The following SYT17 variants were observed in gnomAD, a reference collection of about 807,000 sequenced individuals.
The protein encoded by SYT17 is synaptotagmin 17, also known as synaptotagmin-17.
Under a neutral mutation model 46.7 loss-of-function variants are expected in SYT17, and 22 were observed. The observed-to-expected ratio is 0.47, with a 90% CI of 0.34 to 0.67. The LOEUF (loss-of-function observed/expected upper bound fraction) is 0.67, where lower values mean the gene tolerates loss of function less well. Among genes scored for constraint, SYT17 ranks in the 30% least tolerant of loss-of-function variants. SYT17 has a pLI of 0.01. For synonymous variants in SYT17, 251 were observed against 248.4 expected (o/e 1.01, Z -0.10); for missense variants, 519 against 612.8 (o/e 0.85, Z 1.62).
rs1388958812 is a variant in SYT17, at chr16:19,223,095, T to C, written c.1002T>C (p.Ser334=). 2 of 1,614,068 alleles carry C rather than the reference T, an allele frequency of 1.2e-6. No homozygotes were observed. The change falls in exon 6 of 8, where the codon AGT becomes AGC. Residue 334 remains serine (S), a synonymous_variant. Transcript: ENST00000355377. ...TTCTGTCACTGAATTATCTCCCAAG[T>C]GCTGGCAGACTGAATGTTGATGTCA... is the stretch of plus-strand genomic sequence containing the variant. ...ELLLSLNYLP[S]AGRLNVDVIR... is the part of the protein sequence containing the mutation.
At chr16:19,238,013 T>C (rs1294282551) in intron 7 of SYT17, among the ~76,000 whole-genome samples, 1 of 152,236 alleles carries the variant, frequency 6.6e-6, no homozygotes, top group Admixed American at 6.5e-5. Context: ...AGAAGTGATG[T>C]GGCTTAGATG....
chr16:19,202,582 GC>G (rs561749382), intron 5 of SYT17, among the ~76,000 whole-genome samples: 9 of 152,154 alleles, frequency 5.9e-5, no homozygotes, highest in Non-Finnish European at 1.3e-4. Flanking sequence ...TCAACCTCCA[GC>G]CCCTCCCCTC....
chr16:19,179,282 C>G (rs551192417), intron 3 of SYT17, among the ~76,000 whole-genome samples: 1 of 152,144 alleles, frequency 6.6e-6, no homozygotes. Flanking sequence ...CACAGACCAC[C>G]ATGCCCAGCT....
Position 19,184,129 on chromosome 16 carries a change from G to A in SYT17, c.933G>A (p.Ala311=), listed in dbSNP as rs139499356. Residue 311 remains alanine (A), a synonymous_variant, in exon 5 of 8, where the codon GCG becomes GCA. Transcript: ENST00000355377. The stretch of plus-strand genomic sequence containing the variant: ...TCAAGGGCGGGCACTGGTGGAAGGC[G>A]CTGATTCCCAGTTCTCAGGTAAGGG... The part of the protein sequence containing the change: ...DLVKGGHWWK[A]LIPSSQNEVE... The A allele has an allele frequency of 8.6e-5, 139 of 1,613,660 alleles. 1 individual carries two copies. The highest frequency in any genetic ancestry group is 1.7e-4 in the Middle Eastern group (1 of 6,014).
Position 19,183,618 on chromosome 16 carries a change from C to T in SYT17, c.422C>T (p.Pro141Leu). ...VLSAKKEPIQ[P>L]SVLRRTYNPD... ...AGCGCCAAGAAGGAGCCCATCCAAC[C>T]TTCGGTGCTCAGACGGACCTATAAC... The change falls in exon 5 of 8, where the codon CCT becomes CTT. Residue 141 changes from proline (P) to leucine (L), a missense_variant. Transcript: ENST00000355377. This position sits in a 1 kb window ranked among gnomAD's most constrained non-coding sequence, Gnocchi z 5.6. 2 of 1,614,218 alleles carry T rather than the reference C, an allele frequency of 1.2e-6. No homozygotes were observed. Among genetic ancestry groups the T allele is most frequent in the Non-Finnish European group, 1.7e-6 (2 of 1,180,032 alleles).
intron 5 of SYT17, among the ~76,000 whole-genome samples, chr16:19,197,953 G>A (rs1965318352): frequency 6.6e-6 from 1 of 152,196 alleles, no homozygotes; most frequent in Non-Finnish European, 1.5e-5. Flanking sequence ...ATAGCTAAGA[G>A]CATAGACCCT....
chr16:19,191,125 C>T (rs182869030), intron 5 of SYT17, among the ~76,000 whole-genome samples: 2 of 151,918 alleles, frequency 1.3e-5, no homozygotes, highest in East Asian at 1.9e-4. Context: ...TTTGGCAAGG[C>T]TCATCCAGTA....
chr16:19,267,185 C>T lies in SYT17; in HGVS notation c.*109C>T, dbSNP rs1969428018. 1.0e-6 allele frequency: 1 copy of T among 955,104 alleles called. No individual in the cohort carries two copies. Among genetic ancestry groups the T allele is most frequent in the Non-Finnish European group, 1.5e-6 (1 of 663,568 alleles). 59.2% of individuals were successfully genotyped at this position (955,104 alleles called of 1,614,324 possible). ...ACCTGCATACACACTCGCAACATGT[C>T]TACACACGTCCACACACACAGACAC... On this transcript the variant is annotated 3_prime_UTR_variant, in exon 8 of 8. Coordinates refer to ENST00000355377, the MANE Select transcript of SYT17 (RefSeq NM_016524.4).
intron 7 of SYT17, among the ~76,000 whole-genome samples, chr16:19,231,778 G>A (rs574410876): frequency 2.6e-5 from 4 of 152,266 alleles, no homozygotes; most frequent in South Asian, 2.1e-4. Flanking sequence ...ACCTGGCACC[G>A]TGCTAGACGT....
In SYT17 at chr16:19,177,475, C is replaced by G. The variant is rs577863964; in HGVS notation, c.183-2916C>G. ...CTAAATCATTCAGAAAGTAAATTTACAGCTTTGTGTTTTCCCCAGATTTAT... is the reference window on the plus strand; with the variant it reads ...CTAAATCATTCAGAAAGTAAATTTAGAGCTTTGTGTTTTCCCCAGATTTAT... On this transcript the variant is annotated intron_variant, in intron 3 of 7. Coordinates refer to ENST00000355377, the MANE Select transcript of SYT17 (RefSeq NM_016524.4). 6.6e-4 allele frequency among the ~76,000 whole-genome samples: 100 copies of G among 152,308 alleles called. 1 individual carries two copies. In the South Asian group the frequency reaches 9.3e-3, roughly 14 times the overall value.
chr16:19,178,163 A>T (rs1964391117), intron 3 of SYT17, among the ~76,000 whole-genome samples: 1 of 151,956 alleles, frequency 6.6e-6, no homozygotes, highest in Non-Finnish European at 1.5e-5. Flanking sequence ...GCTCACTGCA[A>T]GCTCTGCCTC....
At chr16:19,266,158 G>A (rs8049775) in intron 7 of SYT17, among the ~76,000 whole-genome samples, 75,944 of 152,148 alleles carry the variant, frequency 0.5, 20,209 homozygotes, top group East Asian at 0.96. Flanking sequence ...AGGTTACTTC[G>A]CCTGCCTCAG....
chr16:19,244,415 C>T (rs748700672), intron 7 of SYT17, among the ~76,000 whole-genome samples: 1 of 152,112 alleles, frequency 6.6e-6, no homozygotes, highest in Non-Finnish European at 1.5e-5. Flanking sequence ...CTCACTGCAG[C>T]CTTGAACTCC....
chr16:19,188,288 A>G (rs1964862646), intron 5 of SYT17, among the ~76,000 whole-genome samples: 1 of 152,136 alleles, frequency 6.6e-6, no homozygotes, highest in African/African-American at 2.4e-5. Flanking sequence ...AAATGCTGAG[A>G]ACACATGGAC....
chr16:19,252,093 C>T (rs955250147), intron 7 of SYT17, among the ~76,000 whole-genome samples: 3 of 151,576 alleles, frequency 2.0e-5, no homozygotes, highest in Non-Finnish European at 4.4e-5. Context: ...ACCCAGGAGG[C>T]GGAAATTGCA....
intron 7 of SYT17, among the ~76,000 whole-genome samples, chr16:19,257,396 CAAA>C (rs5816041): frequency 2.3e-5 from 3 of 128,100 alleles, no homozygotes; most frequent in Admixed American, 8.1e-5. Flanking sequence ...CCTTGTTTTG[CAAA>C]AAAAAAAAAA....
At position 19,252,402 on chromosome 16, in the gene SYT17, T is replaced by C. The variant is rs1482054535; in HGVS notation, c.1229-14478T>C. On this transcript the variant is annotated intron_variant, in intron 7 of 7. Transcript: ENST00000355377. Reference sequence around the variant, plus strand: ...ATACATATATATATATACATATATATACATATATATATACATATATATATA... The same window carrying C: ...ATACATATATATATATACATATATACACATATATATATACATATATATATA... Among the ~76,000 whole-genome samples the C allele has an allele frequency of 3.7e-5, 2 of 53,938 alleles. 1 individual carries two copies. The highest frequency in any genetic ancestry group is 5.7e-5 in the Non-Finnish European group (2 of 35,296). The allele number at this position is 53,938 out of a possible 152,430, so 35.4% of individuals were successfully genotyped here.
In SYT17 at chr16:19,262,194, T is replaced by C. The variant is rs1969025559; in HGVS notation, c.1229-4686T>C. Among the ~76,000 whole-genome samples the C allele has an allele frequency of 1.3e-5, 2 of 152,346 alleles. 1 individual carries two copies. The highest frequency in any genetic ancestry group is 4.1e-4 in the South Asian group (2 of 4,828). ...TGAAAGATTGCTGCTATGGTCTGAA[T>C]GTTTTGTTCCCCCAAAATTCTTATG... On this transcript the variant is annotated intron_variant, in intron 7 of 7. Coordinates refer to ENST00000355377, the MANE Select transcript of SYT17 (RefSeq NM_016524.4).
chr16:19,223,322 G>T (rs1966390621), intron 6 of SYT17, among the ~76,000 whole-genome samples, 157 bp downstream of exon 6: 1 of 152,178 alleles, frequency 6.6e-6, no homozygotes, highest in African/African-American at 2.4e-5. Flanking sequence ...TGGAATTGGG[G>T]AGTTGACTGA....
Sources: allele counts gnomAD v4.1 joint callset (sites outside exome capture counted in the v4.1 genomes callset), GRCh38; gene constraint gnomAD v4.1.1; non-coding constraint Gnocchi (gnomAD v3.1); transcripts MANE v1.5; gene names NCBI Gene and HGNC (gene_info 2026-07-23, HGNC 2026-07-21).